Variants in KIF16B observed in about 807,000 individuals in gnomAD.
KIF16B encodes kinesin-like protein KIF16B.
In KIF16B, 98 loss-of-function variants were observed where a neutral mutation model predicts 156.3. The ratio of observed to expected loss-of-function variants is 0.63; its 90% confidence interval spans 0.53 to 0.74. The LOEUF (loss-of-function observed/expected upper bound fraction) is 0.74. KIF16B is among the 30% of genes least tolerant of loss of function. KIF16B has a pLI of 0.00. For synonymous variants in KIF16B, 564 were observed against 583.7 expected, an observed-to-expected ratio of 0.97 and a Z score of 0.49; for missense variants, 1,421 against 1,606.5, an observed-to-expected ratio of 0.88 and a Z score of 1.97.
At chr20:16,299,194 A>T (rs1461780778) in intron 25 of KIF16B, among the ~76,000 whole-genome samples, 3 of 152,064 alleles carry the variant, frequency 2.0e-5, no homozygotes, top group Admixed American at 6.6e-5. Flanking sequence ...ATGATGCCTG[A>T]TATTTGCTTT....
At chr20:16,374,673 G>A (rs950859607) in intron 19 of KIF16B, among the ~76,000 whole-genome samples, 3 of 152,188 alleles carry the variant, frequency 2.0e-5, no homozygotes, top group Non-Finnish European at 4.4e-5. Context: ...TCTCTCCACT[G>A]TGCTCCAAGC....
At chr20:16,376,491 C>T (rs543056638) in intron 19 of KIF16B, among the ~76,000 whole-genome samples, 7 of 152,226 alleles carry the variant, frequency 4.6e-5, no homozygotes, top group South Asian at 2.1e-4. Context: ...CTGGCTTAGC[C>T]GTGAGAACCC....
At chr20:16,567,722 G>A (rs1047355725) in intron 1 of KIF16B, among the ~76,000 whole-genome samples, 10 of 152,100 alleles carry the variant, frequency 6.6e-5, no homozygotes, top group South Asian at 2.1e-4. Flanking sequence ...AGGCTGAGGC[G>A]GGCGGATCAT....
At chr20:16,296,649 A>G (rs1176610315) in intron 25 of KIF16B, among the ~76,000 whole-genome samples, 1 of 152,182 alleles carries the variant, frequency 6.6e-6, no homozygotes, top group Non-Finnish European at 1.5e-5. Flanking sequence ...GGGGCTGCAC[A>G]TGAGGTGGGA....
At chr20:16,495,670 T>G (rs2068429129) in intron 11 of KIF16B, among the ~76,000 whole-genome samples, 1 of 152,074 alleles carries the variant, frequency 6.6e-6, no homozygotes, top group Admixed American at 6.6e-5. Context: ...GTGCTTTGCT[T>G]GTTTTCTTGT....
intron 22 of KIF16B, chr20:16,367,226 C>T (rs1158376631): frequency 6.2e-7 from 1 of 1,612,740 alleles, no homozygotes; most frequent in Non-Finnish European, 8.5e-7. Context: ...TCAGGTGCGA[C>T]ATTCTGACTG....
At position 16,356,313 on chromosome 20, in the gene KIF16B, G is replaced by A. The variant is rs2064440737; in HGVS notation, c.3621+17C>T. The A allele has an allele frequency of 6.2e-7, 1 of 1,613,892 alleles. No individual in the cohort carries two copies. Among genetic ancestry groups the A allele is most frequent in the African/African-American group, 1.3e-5 (1 of 74,930 alleles). On this transcript the variant is annotated intron_variant, in intron 23 of 25. Coordinates refer to ENST00000354981, the MANE Select transcript of KIF16B (RefSeq NM_024704.5). ...TCTCCAACCTCCATTCTCCAGAAGAGTCAAGAAGACACTCACCTTGACCTC... is the reference window on the plus strand; with the variant it reads ...TCTCCAACCTCCATTCTCCAGAAGAATCAAGAAGACACTCACCTTGACCTC...
At chr20:16,495,086 G>A (rs1354438130) in intron 11 of KIF16B, among the ~76,000 whole-genome samples, 1 of 152,144 alleles carries the variant, frequency 6.6e-6, no homozygotes, top group East Asian at 1.9e-4. Context: ...ATATTTGAGA[G>A]GTAGAAAAAA....
In KIF16B at chr20:16,474,206, A is replaced by G. The variant is rs572989267; in HGVS notation, c.1302+20085T>C. Among the ~76,000 whole-genome samples the G allele has an allele frequency of 3.3e-5, 5 of 152,152 alleles. No homozygotes were observed. The East Asian group carries it at 9.7e-4, about 29-fold the overall frequency. ...CATCCTTGCTGTCACCTTCCAAAAT[A>G]TCTAACCTGTTGACCACGCCCCCCT... On this transcript the variant is annotated intron_variant, in intron 12 of 25. Coordinates refer to ENST00000354981, the MANE Select transcript of KIF16B (RefSeq NM_024704.5).
rs778636785 is a variant in KIF16B, at chr20:16,497,639, C to G, written c.1216G>C (p.Glu406Gln). ...LDSPTALSME[E>Q]KLQQNEARVQ... ...CTTGCTTCATTCTGCTGAAGTTTTT[C>G]CTCCATACTTAAAGCTGTGGGGGAG... Residue 406 changes from glutamate to glutamine, a missense_variant, in exon 11 of 26, where the codon GAA becomes CAA. Transcript: ENST00000354981. The G allele has an allele frequency of 8.7e-6, 14 of 1,611,540 alleles. No individual in the cohort carries two copies. In the East Asian group the frequency reaches 3.1e-4, roughly 36 times the overall value.
intron 1 of KIF16B, among the ~76,000 whole-genome samples, chr20:16,547,010 C>G (rs1431134708): frequency 6.6e-6 from 1 of 152,186 alleles, no homozygotes; most frequent in Non-Finnish European, 1.5e-5. Flanking sequence ...CTCCTGACCT[C>G]AGGGGATCTG....
At chr20:16,376,083 T>C (rs1199860300) in intron 19 of KIF16B, among the ~76,000 whole-genome samples, 1 of 152,166 alleles carries the variant, frequency 6.6e-6, no homozygotes, top group Non-Finnish European at 1.5e-5. Context: ...ATTGGAAGAG[T>C]AAATGACAAT....
intron 12 of KIF16B, among the ~76,000 whole-genome samples, chr20:16,464,601 C>T (rs143277457): frequency 2.6e-5 from 4 of 152,232 alleles, no homozygotes; most frequent in African/African-American, 9.6e-5. Flanking sequence ...ACAGTCAAGG[C>T]GGTACACAGT....
chr20:16,311,590 C>A (rs1219111682), intron 25 of KIF16B, among the ~76,000 whole-genome samples: 1 of 152,220 alleles, frequency 6.6e-6, no homozygotes, highest in Non-Finnish European at 1.5e-5. Context: ...GCTATTTGCA[C>A]TTCTGTCCCT....
rs751948942 is a variant in KIF16B, at chr20:16,497,564, A to G, written c.1242+49T>C. On this transcript the variant is annotated intron_variant, in intron 11 of 25. Coordinates refer to ENST00000354981, the MANE Select transcript of KIF16B (RefSeq NM_024704.5). ...AGTCCTAAAAAAGCATGCACTTAAA[A>G]TAATAGTAAAAGTTATGATTTAAAA... 3 of 1,437,888 alleles carry G rather than the reference A, an allele frequency of 2.1e-6. No homozygotes were observed. The South Asian group carries it at 3.5e-5, about 17-fold the overall frequency. 89.1% of individuals were successfully genotyped at this position (1,437,888 alleles called of 1,614,324 possible).
chr20:16,382,054 T>C (rs2065109035), intron 17 of KIF16B: 4 of 1,228,806 alleles, frequency 3.3e-6, no homozygotes, highest in African/African-American at 1.5e-5. Context: ...GTCTACTCCA[T>C]GCAGCTTAGC....
intron 19 of KIF16B, among the ~76,000 whole-genome samples, chr20:16,376,336 T>A (rs2064950084): frequency 6.6e-6 from 1 of 152,018 alleles, no homozygotes; most frequent in African/African-American, 2.4e-5. Context: ...GGCAGGAAAA[T>A]GGATTAAACC....
intron 12 of KIF16B, among the ~76,000 whole-genome samples, chr20:16,457,726 T>C (rs2067246661): frequency 6.6e-6 from 1 of 152,014 alleles, no homozygotes; most frequent in African/African-American, 2.4e-5. Context: ...AGTGTGTTTA[T>C]AAAAAATCAT....
At chr20:16,439,624 G>A (rs973674995) in intron 12 of KIF16B, among the ~76,000 whole-genome samples, 2 of 152,118 alleles carry the variant, frequency 1.3e-5, no homozygotes, top group African/African-American at 4.8e-5. Flanking sequence ...GATTGTATTA[G>A]TCCATTTTTG....
Sources: gnomAD v4.1 joint callset for allele counts (sites outside exome capture counted in the v4.1 genomes callset) on GRCh38, gnomAD v4.1.1 for gene constraint, MANE v1.5 for transcripts, NCBI Gene and HGNC (gene_info 2026-07-23, HGNC 2026-07-21) for gene names.